Variants in FHIT observed in about 807,000 individuals in gnomAD.
FHIT encodes bis(5'-adenosyl)-triphosphatase.
A neutral mutation model predicts 17.9 loss-of-function variants in FHIT; 19 were observed. The ratio of observed to expected loss-of-function variants is 1.06; its 90% CI spans 0.74 to 1.56. The LOEUF is 1.56. FHIT is among the 40% of genes most tolerant of loss of function. The pLI is 0.00. For missense variants in FHIT, 248 were observed against 189.2 expected (o/e 1.31, Z -1.82); for synonymous variants, 81 against 69.7 (o/e 1.16, Z -0.81).
intron 3 of FHIT, among the ~76,000 whole-genome samples, chr3:60,914,178 T>C (rs1706883627): frequency 6.6e-6 from 1 of 152,194 alleles, no homozygotes; most frequent in East Asian, 1.9e-4. Flanking sequence ...TCATTTCAAT[T>C]ACACAACTAT....
chr3:60,025,148 T>C (rs1232007529), intron 5 of FHIT, among the ~76,000 whole-genome samples: 1 of 152,190 alleles, frequency 6.6e-6, no homozygotes, highest in Non-Finnish European at 1.5e-5. Context: ...GACAGTGTCA[T>C]GTAGCTCACC....
chr3:60,081,760 A>G (rs1248866326), intron 5 of FHIT, among the ~76,000 whole-genome samples: 1 of 152,086 alleles, frequency 6.6e-6, no homozygotes, highest in Non-Finnish European at 1.5e-5. Context: ...GTTTTGAGAG[A>G]TATATACAGG....
At chr3:60,056,380 G>C (rs12632371) in intron 5 of FHIT, among the ~76,000 whole-genome samples, 8,726 of 152,244 alleles carry the variant, frequency 0.057, 363 homozygotes, top group South Asian at 0.11. Flanking sequence ...GGGGAGGGGG[G>C]AAGAATAAAA....
At chr3:60,069,827 A>G (rs1317681222) in intron 5 of FHIT, among the ~76,000 whole-genome samples, 1 of 152,176 alleles carries the variant, frequency 6.6e-6, no homozygotes, top group Non-Finnish European at 1.5e-5. Flanking sequence ...ACACCTTTCC[A>G]AGCACTTTCA....
intron 3 of FHIT, among the ~76,000 whole-genome samples, chr3:60,985,935 C>T (rs751540961): frequency 6.6e-6 from 1 of 152,194 alleles, no homozygotes; most frequent in Non-Finnish European, 1.5e-5. Context: ...TGCCTGCATT[C>T]CTTGGCTCAT....
intron 2 of FHIT, among the ~76,000 whole-genome samples, chr3:61,100,888 C>T (rs1466315204): frequency 2.0e-5 from 3 of 152,124 alleles, no homozygotes; most frequent in Admixed American, 6.5e-5. Flanking sequence ...ATATCCTTTG[C>T]CCACTTTTTG....
chr3:60,749,447 G>A (rs994962082), intron 4 of FHIT, among the ~76,000 whole-genome samples: 15 of 152,132 alleles, frequency 9.9e-5, no homozygotes, highest in African/African-American at 3.6e-4. Flanking sequence ...ACTGATGTCT[G>A]GGATGGAGGG....
intron 3 of FHIT, among the ~76,000 whole-genome samples, chr3:60,925,761 C>T (rs1190048960): frequency 6.6e-6 from 1 of 152,142 alleles, no homozygotes; most frequent in Non-Finnish European, 1.5e-5. Flanking sequence ...AAGACACAGA[C>T]TGGCAAATTG....
At chr3:60,915,182 C>G (rs899476203) in intron 3 of FHIT, among the ~76,000 whole-genome samples, 15 of 152,194 alleles carry the variant, frequency 9.9e-5, no homozygotes, top group African/African-American at 3.1e-4. Context: ...TGCCCCTACT[C>G]ACACCAGAAA....
chr3:59,948,348 C>A (rs1286919517), intron 7 of FHIT, among the ~76,000 whole-genome samples: 246 of 116,136 alleles, frequency 2.1e-3, no homozygotes, highest in East Asian at 3.9e-3. Flanking sequence ...ACTAAAAATA[C>A]AAAAAAAAAA....
intron 2 of FHIT, among the ~76,000 whole-genome samples, chr3:61,076,055 G>A (rs1170437619): frequency 6.6e-6 from 1 of 152,056 alleles, no homozygotes; most frequent in Non-Finnish European, 1.5e-5. Flanking sequence ...TTACAGAGAA[G>A]GGAAGTAAGC....
intron 5 of FHIT, among the ~76,000 whole-genome samples, chr3:60,167,284 G>A (rs1014129779): frequency 1.3e-4 from 20 of 152,300 alleles, no homozygotes; most frequent in African/African-American, 3.4e-4. Flanking sequence ...GAAGTATGAT[G>A]CTTGATAACT....
At chr3:60,316,321 G>A (rs868746558) in intron 5 of FHIT, among the ~76,000 whole-genome samples, 1 of 152,146 alleles carries the variant, frequency 6.6e-6, no homozygotes, top group Non-Finnish European at 1.5e-5. Flanking sequence ...CTCTTTGCCA[G>A]ATGTCACCTT....
intron 5 of FHIT, among the ~76,000 whole-genome samples, chr3:60,183,587 T>G (rs1043528229): frequency 1.4e-4 from 21 of 152,158 alleles, no homozygotes; most frequent in African/African-American, 5.1e-4. Context: ...TCTGGGTACT[T>G]CAAAAAATCA....
chr3:60,438,098 T>C (rs558406172), intron 5 of FHIT, among the ~76,000 whole-genome samples: 1 of 152,184 alleles, frequency 6.6e-6, no homozygotes, highest in East Asian at 1.9e-4. Context: ...ATGGCAACTG[T>C]GGCAACCGTA....
intron 4 of FHIT, among the ~76,000 whole-genome samples, chr3:60,645,189 C>T (rs965038722): frequency 6.6e-6 from 1 of 152,162 alleles, no homozygotes; most frequent in Admixed American, 6.5e-5. Context: ...CGTTGGCCCT[C>T]TCCTTTGCAC....
intron 5 of FHIT, among the ~76,000 whole-genome samples, chr3:60,355,955 C>G (rs1699637477): frequency 6.6e-6 from 1 of 151,982 alleles, no homozygotes; most frequent in Admixed American, 6.6e-5. Context: ...AAATCAACAC[C>G]CAAACTCAAG....
intron 2 of FHIT, among the ~76,000 whole-genome samples, chr3:61,048,141 CAAGA>C (rs2033884433): frequency 6.6e-6 from 1 of 151,826 alleles, no homozygotes; most frequent in Admixed American, 6.6e-5. Flanking sequence ...TAATTAAACT[CAAGA>C]GCTTCTGCAC....
intron 2 of FHIT, among the ~76,000 whole-genome samples, chr3:61,133,058 C>A (rs181240949): frequency 4.6e-5 from 7 of 152,244 alleles, no homozygotes; most frequent in Admixed American, 3.9e-4. Context: ...GAAAGAGTTC[C>A]TGTCTCCTAA....
Sources: gnomAD v4.1 joint callset for allele counts (sites outside exome capture counted in the v4.1 genomes callset) on GRCh38, gnomAD v4.1.1 for gene constraint, MANE v1.5 for transcripts, NCBI Gene and HGNC (gene_info 2026-07-23, HGNC 2026-07-21) for gene names.